Variants in STPG1 observed in about 807,000 individuals in gnomAD.
STPG1 encodes the protein O(6)-methylguanine-induced apoptosis 2.
Under a neutral mutation model 40.1 loss-of-function variants are expected in STPG1, and 33 were observed. The ratio of observed to expected loss-of-function variants is 0.82; its 90% CI spans 0.62 to 1.10. The LOEUF (loss-of-function observed/expected upper bound fraction) is 1.10. Ranked by LOEUF, STPG1 falls within the 50% of genes least tolerant of loss-of-function variation. The pLI is 0.00. For missense variants in STPG1, 396 were observed against 415.1 expected, an observed-to-expected ratio of 0.95 and a Z score of 0.40; for synonymous variants, 150 against 155.0, an observed-to-expected ratio of 0.97 and a Z score of 0.24.
At chr1:24,369,243 C>T (rs1641613402) in intron 7 of STPG1, 3 of 406,946 alleles carry the variant, frequency 7.4e-6, no homozygotes, top group Non-Finnish European at 1.0e-5. Context: ...GCCACTCCAG[C>T]GAAGATTTTA....
At chr1:24,385,543 T>G (rs1642468805) in intron 3 of STPG1, among the ~76,000 whole-genome samples, 1 of 152,224 alleles carries the variant, frequency 6.6e-6, no homozygotes, top group Non-Finnish European at 1.5e-5. Flanking sequence ...ATTTCTCGAG[T>G]GCTCATTTTG....
intron 1 of STPG1, among the ~76,000 whole-genome samples, chr1:24,407,085 A>G (rs1281424555): frequency 6.6e-6 from 1 of 152,046 alleles, no homozygotes; most frequent in Non-Finnish European, 1.5e-5. Context: ...TTTCCCTGCA[A>G]TCCCTGGCAA....
rs781207949 is a variant in STPG1, at chr1:24,358,521, T to A, written c.*22A>T. The A allele has an allele frequency of 1.2e-6, 2 of 1,601,152 alleles. No homozygotes were observed. On this transcript the variant is annotated 3_prime_UTR_variant, in exon 9 of 9. Transcript: ENST00000337248. ...CAGGGTGGGCTGGTGGCTGGAGTTC[T>A]CCTTGACCTTGTGTGACATCCCTAC...
chr1:24,364,556 C>T (rs1289407518), intron 7 of STPG1: 3 of 1,019,354 alleles, frequency 2.9e-6, no homozygotes, highest in Non-Finnish European at 3.9e-6. Context: ...GCTTTGAGGC[C>T]CCTAGCCCTA....
chr1:24,373,933 A>T, intron 5 of STPG1, 123 bp from the exon 6 acceptor site: 1 of 704,634 alleles, frequency 1.4e-6, no homozygotes. Flanking sequence ...CTTCTTAGCA[A>T]ATGAACAGAT....
In STPG1 at chr1:24,379,821, G is replaced by T; in HGVS notation, c.294C>A (p.Cys98Ter). ...KKGTCMFPSM[C>*]ARLDTIISKY... ...TAGAAATGATGGTGTCCAATCGGGC[G>T]CACTGTAAGGAGACAACCAAAGGAA... The change falls in exon 5 of 9, where the codon TGC becomes TGA. Residue 98 changes from cysteine (C) to a stop codon, truncating the protein, a stop_gained and splice_region_variant. Transcript: ENST00000337248. LOFTEE classifies it high-confidence loss of function. The T allele has an allele frequency of 6.2e-7, 1 of 1,613,478 alleles. No homozygotes were observed. Among genetic ancestry groups the T allele is most frequent in the Non-Finnish European group, 8.5e-7 (1 of 1,179,472 alleles).
At chr1:24,404,028 C>T (rs1280026928) in intron 1 of STPG1, among the ~76,000 whole-genome samples, 1 of 151,926 alleles carries the variant, frequency 6.6e-6, no homozygotes, top group Non-Finnish European at 1.5e-5. Flanking sequence ...GTTACTGGCT[C>T]GAGTGGGAAA....
intron 1 of STPG1, among the ~76,000 whole-genome samples, chr1:24,408,317 C>A: frequency 6.6e-6 from 1 of 152,218 alleles, no homozygotes; most frequent in East Asian, 1.9e-4. Context: ...TCTGTTTAAG[C>A]CCCAGAAATT....
At position 24,359,807 on chromosome 1, in the gene STPG1, C is replaced by T. The variant is rs935411985; in HGVS notation, c.928+1044G>A. On this transcript the variant is annotated intron_variant, in intron 8 of 8. Transcript: ENST00000337248. The surrounding 1 kb of genome is among the most constrained non-coding windows in gnomAD (Gnocchi z 5.3). ...GGCCATGGTCAGGCTGTGGTAATAG[C>T]GAAAGCGCTCTATAGAGAGCTACAA... Among the ~76,000 whole-genome samples the T allele has an allele frequency of 1.3e-5, 2 of 152,210 alleles. No homozygotes were observed. Among genetic ancestry groups the T allele is most frequent in the Non-Finnish European group, 2.9e-5 (2 of 68,032 alleles).
At position 24,390,812 on chromosome 1, in the gene STPG1, TA is replaced by T. The variant is rs200177586; in HGVS notation, c.189+748del. On this transcript the variant is annotated intron_variant, in intron 3 of 8. Transcript: ENST00000337248. ...ATTACAAAGGTAATTTTTTTTTTTT[TA>T]ATTTCAGACAGGGTCTAGCTCTGTC... is the stretch of plus-strand genomic sequence containing the variant. 1.2e-3 allele frequency among the ~76,000 whole-genome samples: 180 copies of T among 150,150 alleles called. No individual in the cohort carries two copies. In the South Asian group the frequency reaches 0.017, roughly 14 times the overall value.
In STPG1 at chr1:24,406,491, TTCTAGTGTCATAGTCCTTCTA is replaced by T. The variant is rs1420615416; in HGVS notation, c.-68-5056_-68-5036del. Among the ~76,000 whole-genome samples the T allele has an allele frequency of 1.2e-4, 19 of 152,296 alleles. No homozygotes were observed. The East Asian group carries it at 3.5e-3, about 28-fold the overall frequency. On this transcript the variant is annotated intron_variant, in intron 1 of 8. Coordinates refer to ENST00000337248, the MANE Select transcript of STPG1 (RefSeq NM_001199013.2). ...ATTCTTTGTGTAAATTCAAGATTCT[TTCTAGTGTCATAGTCCTTCTA>T]TCTACAGAAATTCTTTTAACTTTTC...
At chr1:24,412,922 C>G (rs925261889) in intron 1 of STPG1, among the ~76,000 whole-genome samples, 1 of 152,108 alleles carries the variant, frequency 6.6e-6, no homozygotes, top group East Asian at 1.9e-4. Flanking sequence ...TTTTAAAAAA[C>G]GTTATATATG....
Position 24,393,114 on chromosome 1 carries a change from G to A in STPG1, c.71-1435C>T, listed in dbSNP as rs569035749. Among the ~76,000 whole-genome samples, 129 of 152,336 alleles carry A rather than the reference G, an allele frequency of 8.5e-4. 1 individual carries two copies. The highest frequency in any genetic ancestry group is 6.8e-3 in the Middle Eastern group (2 of 294). ...ATCCGAATCACCCAGCACTTAAGCG[G>A]AACAGGTAGGGTGTGAACATGATTT... On this transcript the variant is annotated intron_variant, in intron 2 of 8. Coordinates refer to ENST00000337248, the MANE Select transcript of STPG1 (RefSeq NM_001199013.2).
chr1:24,412,883 G>A (rs963477975), intron 1 of STPG1, among the ~76,000 whole-genome samples: 1 of 152,102 alleles, frequency 6.6e-6, no homozygotes, highest in African/African-American at 2.4e-5. Context: ...ACAACTATAG[G>A]CACAGTTTCA....
chr1:24,385,817 C>G (rs1642481747), intron 3 of STPG1, among the ~76,000 whole-genome samples: 1 of 152,186 alleles, frequency 6.6e-6, no homozygotes, highest in Non-Finnish European at 1.5e-5. Flanking sequence ...TGATCTTGAG[C>G]AAGTCACCTC....
At chr1:24,381,984 T>C (rs1642306050) in intron 4 of STPG1, among the ~76,000 whole-genome samples, 1 of 152,224 alleles carries the variant, frequency 6.6e-6, no homozygotes, top group Non-Finnish European at 1.5e-5. Flanking sequence ...TGCTTATACC[T>C]GAGTGTAACA....
rs896341832 is a variant in STPG1, at chr1:24,368,036, G to A, written c.737+1638C>T. Among the ~76,000 whole-genome samples the A allele has an allele frequency of 3.7e-4, 57 of 152,176 alleles. 1 individual carries two copies. Among genetic ancestry groups the A allele is most frequent in the Admixed American group, 3.5e-3 (53 of 15,300 alleles). On this transcript the variant is annotated intron_variant, in intron 7 of 8. Coordinates refer to ENST00000337248, the MANE Select transcript of STPG1 (RefSeq NM_001199013.2). ...GGGAATAGTTACTTGTAGAGATGCC[G>A]CATGCCAGCCTGGAGGCGGGAGGTC...
In STPG1 at chr1:24,408,272, C is replaced by A. The variant is rs1234379577; in HGVS notation, c.-69+5402G>T. On this transcript the variant is annotated intron_variant, in intron 1 of 8. Transcript: ENST00000337248. Reference sequence around the variant, plus strand: ...ATTCCTATCTAATACCATGTCTCTGCATTCTGGTTTATGGTAACATGCAAC... The same window carrying A: ...ATTCCTATCTAATACCATGTCTCTGAATTCTGGTTTATGGTAACATGCAAC... Among the ~76,000 whole-genome samples the A allele has an allele frequency of 3.9e-5, 6 of 152,230 alleles. No individual in the cohort carries two copies. The South Asian group carries it at 8.3e-4, about 21-fold the overall frequency.
At chr1:24,380,638 G>A (rs1355070056) in intron 4 of STPG1, among the ~76,000 whole-genome samples, 1 of 152,174 alleles carries the variant, frequency 6.6e-6, no homozygotes, top group Non-Finnish European at 1.5e-5. Flanking sequence ...CAAAAGGAAG[G>A]CATTAGGGCC....
Sources: gnomAD v4.1 joint callset for allele counts (sites outside exome capture counted in the v4.1 genomes callset) on GRCh38, gnomAD v4.1.1 for gene constraint, Gnocchi (gnomAD v3.1) non-coding constraint, MANE v1.5 for transcripts, NCBI Gene and HGNC (gene_info 2026-07-23, HGNC 2026-07-21) for gene names.